The following CMTM8 variants were observed in gnomAD, a reference collection of about 807,000 sequenced individuals.
CMTM8 encodes CKLF-like MARVEL transmembrane domain-containing protein 8.
A neutral mutation model predicts 18.6 loss-of-function variants in CMTM8; 12 were observed. The observed-to-expected ratio is 0.65, with a 90% confidence interval of 0.41 to 1.05. The LOEUF is 1.05. Ranked by LOEUF, CMTM8 falls within the 50% of genes least tolerant of loss-of-function variation. CMTM8 has a pLI of 0.00. For missense variants in CMTM8, 217 were observed against 227.2 expected (o/e 0.95, Z 0.29); for synonymous variants, 87 against 90.6 (o/e 0.96, Z 0.23).
intron 2 of CMTM8, among the ~76,000 whole-genome samples, chr3:32,365,037 TGGTGAGAC>T (rs1697004853): frequency 6.6e-6 from 1 of 152,092 alleles, no homozygotes; most frequent in Non-Finnish European, 1.5e-5. Context: ...ATGTGGAGAA[TGGTGAGAC>T]CCTGGAGATG....
At chr3:32,260,305 AT>A (rs1702238715) in intron 1 of CMTM8, 3 of 696,378 alleles carry the variant, frequency 4.3e-6, no homozygotes, top group Non-Finnish European at 7.4e-6. Context: ...AAAAAAAAGT[AT>A]TATCTCGCTA....
chr3:32,361,003 T>C (rs915595272), intron 2 of CMTM8, among the ~76,000 whole-genome samples: 3 of 152,210 alleles, frequency 2.0e-5, no homozygotes, highest in Admixed American at 2.0e-4. Flanking sequence ...CGTTTTGAGA[T>C]GGAGTTTCAC....
At chr3:32,298,988 A>T (rs924463746) in intron 1 of CMTM8, among the ~76,000 whole-genome samples, 4 of 141,716 alleles carry the variant, frequency 2.8e-5, no homozygotes, top group South Asian at 2.3e-4. Flanking sequence ...GGTCCAGGCT[A>T]TGTTGCCCAA....
At chr3:32,301,538 G>C (rs1002542721) in intron 1 of CMTM8, among the ~76,000 whole-genome samples, 28 of 152,188 alleles carry the variant, frequency 1.8e-4, no homozygotes, top group African/African-American at 6.7e-4. Flanking sequence ...AGTGGTCAAG[G>C]GAGAGTGGTG....
At position 32,239,216 on chromosome 3, in the gene CMTM8, C is replaced by T. The variant is rs965705801; in HGVS notation, c.147+97C>T. 5 of 1,395,334 alleles carry T rather than the reference C, an allele frequency of 3.6e-6. No homozygotes were observed. In the African/African-American group the frequency reaches 4.4e-5, roughly 12 times the overall value. 86.4% of individuals were successfully genotyped at this position (1,395,334 alleles called of 1,614,324 possible). ...GGGATGGAGCCTGCTCAGATCTTCC[C>T]GCGGGCTTTAGGGAACCGTTTTTGC... On this transcript the variant is annotated intron_variant, in intron 1 of 3. Coordinates refer to ENST00000307526, the MANE Select transcript of CMTM8 (RefSeq NM_178868.5).
At chr3:32,354,043 A>G (rs1696764090) in intron 1 of CMTM8, among the ~76,000 whole-genome samples, 1 of 152,012 alleles carries the variant, frequency 6.6e-6, no homozygotes, top group Non-Finnish European at 1.5e-5. Context: ...TCAGCCTCCC[A>G]AAGTGCTGGG....
At chr3:32,367,703 T>C (rs537258834) in intron 2 of CMTM8, among the ~76,000 whole-genome samples, 169 bp from the exon 3 acceptor site, 19 of 152,118 alleles carry the variant, frequency 1.2e-4, no homozygotes, top group Admixed American at 5.2e-4. Flanking sequence ...CGTAAAACCC[T>C]CTCCTCTCGC....
chr3:32,311,671 C>T (rs748530973), intron 1 of CMTM8, among the ~76,000 whole-genome samples: 2 of 152,196 alleles, frequency 1.3e-5, no homozygotes, highest in Middle Eastern at 3.2e-3. Flanking sequence ...ACTTCTGTGG[C>T]CACATGTGTA....
At chr3:32,259,380 C>A in intron 1 of CMTM8, 1 of 844,724 alleles carries the variant, frequency 1.2e-6, no homozygotes. Flanking sequence ...GTGGACAATG[C>A]CCGCATTGTT....
intron 1 of CMTM8, among the ~76,000 whole-genome samples, chr3:32,304,034 T>G (rs953442367): frequency 7.2e-5 from 11 of 152,202 alleles, no homozygotes; most frequent in African/African-American, 2.7e-4. Flanking sequence ...CAGTCAAGGA[T>G]CGACAGATTT....
At chr3:32,352,309 T>A (rs1383619574) in intron 1 of CMTM8, among the ~76,000 whole-genome samples, 2 of 151,918 alleles carry the variant, frequency 1.3e-5, no homozygotes, top group Non-Finnish European at 2.9e-5. Flanking sequence ...TCCTCGACAC[T>A]GATGAAGAAA....
At chr3:32,319,057 C>CATACATACATATATAT (rs1206855049) in intron 1 of CMTM8, among the ~76,000 whole-genome samples, 3 of 45,882 alleles carry the variant, frequency 6.5e-5, no homozygotes, top group African/African-American at 2.9e-4. Context: ...TGTGTATATA[C>CATACATACATATATAT]ATATATATAT....
intron 1 of CMTM8, 60 bp from the exon 2 acceptor site, chr3:32,357,301 TGTCCCTCCTTCC>T: frequency 1.8e-6 from 2 of 1,104,194 alleles, no homozygotes; most frequent in Admixed American, 2.2e-5. Context: ...TTTTTTTCTT[TGTCCCTCCTTCC>T]TTCTTTTTCT....
intron 2 of CMTM8, among the ~76,000 whole-genome samples, chr3:32,361,573 C>T (rs113421169): frequency 0.01 from 1,588 of 152,052 alleles, 28 homozygotes; most frequent in African/African-American, 0.036. Flanking sequence ...TGGTTTTAGT[C>T]CCCTGGGAAC....
chr3:32,322,520 G>A (rs1448957825), intron 1 of CMTM8, among the ~76,000 whole-genome samples: 1 of 152,144 alleles, frequency 6.6e-6, no homozygotes, highest in East Asian at 1.9e-4. Flanking sequence ...TTCTCATGCT[G>A]CCCTGGTAAT....
chr3:32,350,575 C>T (rs147732264), intron 1 of CMTM8, among the ~76,000 whole-genome samples: 2,939 of 149,964 alleles, frequency 0.02, 85 homozygotes, highest in African/African-American at 0.067. Flanking sequence ...GGCTGGAGTG[C>T]AGTGGTGTGA....
chr3:32,315,093 T>TA (rs1197191740), intron 1 of CMTM8, among the ~76,000 whole-genome samples: 1 of 151,876 alleles, frequency 6.6e-6, no homozygotes, highest in Non-Finnish European at 1.5e-5. Context: ...CAAAGGTAAC[T>TA]AAGCCACAGC....
intron 1 of CMTM8, among the ~76,000 whole-genome samples, chr3:32,303,993 G>T (rs1695675604): frequency 1.3e-5 from 2 of 152,160 alleles, no homozygotes; most frequent in Admixed American, 6.5e-5. Flanking sequence ...TCCCAAGAAT[G>T]TCCTTTACTT....
intron 1 of CMTM8, among the ~76,000 whole-genome samples, chr3:32,310,156 TGG>T (rs1491211486): frequency 2.0e-5 from 3 of 151,808 alleles, no homozygotes; most frequent in Non-Finnish European, 4.4e-5. Flanking sequence ...TTTAAAATTG[TGG>T]TTTTTTTTTT....
Sources: allele counts gnomAD v4.1 joint callset (sites outside exome capture counted in the v4.1 genomes callset), GRCh38; gene constraint gnomAD v4.1.1; transcripts MANE v1.5; gene names NCBI Gene and HGNC (gene_info 2026-07-23, HGNC 2026-07-21).